FHIP1A: variants seen among roughly 807,000 people sequenced by gnomAD.
FHIP1A encodes FHF complex subunit HOOK interacting protein 1A.
Under a neutral mutation model 88.6 loss-of-function variants are expected in FHIP1A, and 61 were observed. The observed-to-expected ratio is 0.69, with a 90% CI of 0.56 to 0.85. FHIP1A has a LOEUF of 0.85. Ranked by LOEUF, FHIP1A falls within the 40% of genes least tolerant of loss-of-function variation. FHIP1A has a pLI of 0.00. For synonymous variants in FHIP1A, 478 were observed against 496.0 expected (o/e 0.96, Z 0.48); for missense variants, 1,154 against 1,273.5 (o/e 0.91, Z 1.43).
At chr4:151,504,684 C>T (rs1173241776) in intron 3 of FHIP1A, among the ~76,000 whole-genome samples, 2 of 152,054 alleles carry the variant, frequency 1.3e-5, no homozygotes, top group Non-Finnish European at 2.9e-5. Flanking sequence ...TGCAGTGGTG[C>T]GATCTCGGCT....
chr4:151,485,282 G>GTT (rs74327398), intron 3 of FHIP1A, among the ~76,000 whole-genome samples: 34 of 118,736 alleles, frequency 2.9e-4, no homozygotes, highest in East Asian at 5.0e-4. Context: ...ATCTTTTCCA[G>GTT]TTTTTTTTTT....
intron 7 of FHIP1A, among the ~76,000 whole-genome samples, chr4:151,606,788 TACCATGCTTGGAGTAA>T (rs1309349716): frequency 6.6e-6 from 1 of 152,188 alleles, no homozygotes; most frequent in Non-Finnish European, 1.5e-5. Context: ...GCCTGTTTCT[TACCATGCTTGGAGTAA>T]ACCAGTGACT....
chr4:151,553,440 C>T (rs927452478), intron 3 of FHIP1A, among the ~76,000 whole-genome samples: 1 of 152,136 alleles, frequency 6.6e-6, no homozygotes, highest in Admixed American at 6.6e-5. Flanking sequence ...TCTCTCAATA[C>T]AGTTAATGTA....
chr4:151,413,458 CTTTA>C (rs1361101760), intron 1 of FHIP1A, among the ~76,000 whole-genome samples: 7 of 151,990 alleles, frequency 4.6e-5, no homozygotes, highest in Admixed American at 1.3e-4. Context: ...CTTTATTTTA[CTTTA>C]TTTATTTTTT....
chr4:151,472,621 T>A (rs1729562483), intron 2 of FHIP1A, among the ~76,000 whole-genome samples: 1 of 122,272 alleles, frequency 8.2e-6, no homozygotes, highest in African/African-American at 3.1e-5. Context: ...CTTGCCTTGC[T>A]GTTTTTTTTT....
intron 3 of FHIP1A, among the ~76,000 whole-genome samples, chr4:151,533,471 T>C (rs941703927): frequency 6.6e-6 from 1 of 152,198 alleles, no homozygotes; most frequent in Non-Finnish European, 1.5e-5. Flanking sequence ...TGGCTCATTG[T>C]AACACATAAT....
intron 5 of FHIP1A, among the ~76,000 whole-genome samples, chr4:151,581,985 A>G (rs1734041927): frequency 6.6e-6 from 1 of 152,228 alleles, no homozygotes. Context: ...TGCCAACAAA[A>G]GGATGGGGAC....
intron 1 of FHIP1A, among the ~76,000 whole-genome samples, chr4:151,424,567 A>G (rs1733293733): frequency 6.6e-6 from 1 of 152,190 alleles, no homozygotes; most frequent in Non-Finnish European, 1.5e-5. Flanking sequence ...GACCCATCTG[A>G]TAGGGCATAA....
Position 151,557,836 on chromosome 4 carries a change from C to A in FHIP1A, c.-122-8302C>A, listed in dbSNP as rs149682411. 2.0e-5 allele frequency among the ~76,000 whole-genome samples: 3 copies of A among 152,250 alleles called. No individual in the cohort carries two copies. In the East Asian group the frequency reaches 5.8e-4, roughly 29 times the overall value. On this transcript the variant is annotated intron_variant, in intron 3 of 13. Transcript: ENST00000435205. ...TACCCTTTGCTAATTGAAGGTGACA[C>A]GAGGCTTTTTCTATTGTAGGGTCTC... is the stretch of plus-strand genomic sequence containing the variant.
At chr4:151,589,063 TA>T (rs1485207165) in intron 7 of FHIP1A, 137 bp downstream of exon 7, 1 of 663,992 alleles carries the variant, frequency 1.5e-6, no homozygotes. Flanking sequence ...TTCTTAGCAA[TA>T]TCAAACACAG....
At chr4:151,479,153 TA>T (rs1729811240) in intron 2 of FHIP1A, among the ~76,000 whole-genome samples, 1 of 152,094 alleles carries the variant, frequency 6.6e-6, no homozygotes, top group East Asian at 1.9e-4. Flanking sequence ...AAAATCAACT[TA>T]ATGGATACAC....
chr4:151,563,714 G>T (rs1029042510), intron 3 of FHIP1A, among the ~76,000 whole-genome samples: 1 of 152,138 alleles, frequency 6.6e-6, no homozygotes, highest in African/African-American at 2.4e-5. Context: ...CTTGTGCTGG[G>T]CATGGTGGCT....
Position 151,457,794 on chromosome 4 carries a change from G to C in FHIP1A, c.-248+2986G>C, listed in dbSNP as rs576320203. Among the ~76,000 whole-genome samples, 14 of 152,156 alleles carry C rather than the reference G, an allele frequency of 9.2e-5. No homozygotes were observed. In the South Asian group the frequency reaches 2.9e-3, roughly 32 times the overall value. On this transcript the variant is annotated intron_variant, in intron 2 of 13. Transcript: ENST00000435205. ...GGATCACAAACTCAGAGGCCAGGCA[G>C]GTAGTATAATATGAATATAAGTTTC...
At chr4:151,498,799 GAGTGAGACTCCGTCTCAAAAAAGA>G (rs983521030) in intron 3 of FHIP1A, among the ~76,000 whole-genome samples, 3 of 152,198 alleles carry the variant, frequency 2.0e-5, no homozygotes, top group African/African-American at 7.2e-5. Flanking sequence ...CTGGGCGACA[GAGTGAGACTCCGTCTCAAAAAAGA>G]AAAAAAATAT....
intron 1 of FHIP1A, among the ~76,000 whole-genome samples, chr4:151,453,850 C>G (rs1728878986): frequency 6.6e-6 from 1 of 152,042 alleles, no homozygotes; most frequent in African/African-American, 2.4e-5. Context: ...GCCAGGGCAA[C>G]AAGAGCGAAA....
chr4:151,558,342 C>G (rs1733035195), intron 3 of FHIP1A, among the ~76,000 whole-genome samples: 1 of 152,008 alleles, frequency 6.6e-6, no homozygotes, highest in Admixed American at 6.6e-5. Flanking sequence ...TCGAGACCAG[C>G]TTGGCCAACA....
chr4:151,433,102 C>A (rs997844948), intron 1 of FHIP1A, among the ~76,000 whole-genome samples: 1 of 151,964 alleles, frequency 6.6e-6, no homozygotes, highest in East Asian at 1.9e-4. Context: ...TCGGGTTAGG[C>A]CTGAAATACC....
chr4:151,525,661 A>G (rs1731601141), intron 3 of FHIP1A, among the ~76,000 whole-genome samples: 1 of 151,960 alleles, frequency 6.6e-6, no homozygotes, highest in Non-Finnish European at 1.5e-5. Flanking sequence ...TATTCTTTCC[A>G]TTTAATCAAT....
Position 151,609,540 on chromosome 4 carries a change from T to G in FHIP1A, c.979-20162T>G, listed in dbSNP as rs760966013. Among the ~76,000 whole-genome samples the G allele has an allele frequency of 6.7e-4, 102 of 152,044 alleles. 1 individual carries two copies. The highest frequency in any genetic ancestry group is 2.7e-3 in the Admixed American group (41 of 15,250). On this transcript the variant is annotated intron_variant, in intron 7 of 13. Coordinates refer to ENST00000435205, the MANE Select transcript of FHIP1A (RefSeq NM_001109977.3). ...TTATGGTGGAAAGCCTCTGAGAATG[T>G]GGAAATATAATAGAAGCAATTGGAA...
Sources: gnomAD v4.1 joint callset for allele counts (sites outside exome capture counted in the v4.1 genomes callset) on GRCh38, gnomAD v4.1.1 for gene constraint, MANE v1.5 for transcripts, NCBI Gene and HGNC (gene_info 2026-07-23, HGNC 2026-07-21) for gene names.